SERPINI1: variants seen among roughly 807,000 people sequenced by gnomAD.
SERPINI1 encodes the protein neuroserpin.
A neutral mutation model predicts 41.1 loss-of-function variants in SERPINI1; 19 were observed. The observed-to-expected ratio is 0.46, with a 90% CI of 0.32 to 0.68. SERPINI1 has a LOEUF of 0.68. Ranked by LOEUF, SERPINI1 falls within the 30% of genes least tolerant of loss-of-function variation. The pLI is 0.03. For synonymous variants in SERPINI1, 138 were observed against 156.6 expected (o/e 0.88, Z 0.89); for missense variants, 460 against 479.2 (o/e 0.96, Z 0.37).
chr3:167,784,232 C>T (rs769854815), intron 1 of SERPINI1, among the ~76,000 whole-genome samples: 7 of 152,108 alleles, frequency 4.6e-5, no homozygotes, highest in Non-Finnish European at 1.0e-4. Flanking sequence ...TTCTGCTATC[C>T]ATGTGCATGT....
chr3:167,803,493 C>T (rs189967592), intron 5 of SERPINI1, among the ~76,000 whole-genome samples: 7 of 152,274 alleles, frequency 4.6e-5, no homozygotes, highest in Admixed American at 4.6e-4. Context: ...CTCCTCGTTG[C>T]ATGCCTCCTG....
rs182406204 is a variant in SERPINI1, at chr3:167,812,340, T to C, written c.979+4999T>C. On this transcript the variant is annotated intron_variant, in intron 6 of 8. Coordinates refer to ENST00000446050, the MANE Select transcript of SERPINI1 (RefSeq NM_001122752.2). ...CCAGGCTTCACTCTGGTTGATTCCA[T>C]ATACACAACTCCTGCCCAGCCAAAC... Among the ~76,000 whole-genome samples the C allele has an allele frequency of 2.4e-3, 360 of 152,332 alleles. 1 individual carries two copies. Among genetic ancestry groups the C allele is most frequent in the Admixed American group, 3.5e-3 (54 of 15,302 alleles).
chr3:167,741,482 G>T (rs1439938069), intron 1 of SERPINI1, among the ~76,000 whole-genome samples: 1 of 152,102 alleles, frequency 6.6e-6, no homozygotes, highest in Non-Finnish European at 1.5e-5. Context: ...ACCCACATTG[G>T]ATTGCTTCTG....
At chr3:167,784,628 G>T (rs1244046274) in intron 1 of SERPINI1, among the ~76,000 whole-genome samples, 1 of 152,194 alleles carries the variant, frequency 6.6e-6, no homozygotes, top group African/African-American at 2.4e-5. Context: ...AGGGTGGCAG[G>T]ATGGAGAGAG....
chr3:167,782,790 C>T (rs1231142082), intron 1 of SERPINI1, among the ~76,000 whole-genome samples: 1 of 152,216 alleles, frequency 6.6e-6, no homozygotes, highest in Middle Eastern at 3.4e-3. Context: ...TAGAACAGAA[C>T]CTTGAGAAGT....
chr3:167,818,656 T>C (rs1437082814), intron 6 of SERPINI1, among the ~76,000 whole-genome samples: 1 of 152,218 alleles, frequency 6.6e-6, no homozygotes, highest in Non-Finnish European at 1.5e-5. Context: ...CTTTGTTTTC[T>C]TTCTCTTTCT....
rs1319322745 is a variant in SERPINI1, at chr3:167,794,816, C to T, written c.873C>T (p.Tyr291=). ...NSVKKQKVEV[Y]LPRFTVEQEI... ...TGAAGAAGCAAAAAGTAGAAGTATA[C>T]CTGCCCAGGTATGAGGTTCCTGTGT... Residue 291 remains tyrosine, a synonymous_variant, in exon 5 of 9, where the codon TAC becomes TAT. Transcript: ENST00000446050. 3 of 1,612,608 alleles carry T rather than the reference C, an allele frequency of 1.9e-6. No homozygotes were observed. The East Asian group carries it at 6.7e-5, about 36-fold the overall frequency.
intron 2 of SERPINI1, 140 bp from the exon 3 acceptor site, chr3:167,790,232 A>G: frequency 1.5e-6 from 1 of 670,450 alleles, no homozygotes; most frequent in Admixed American, 2.3e-5. Flanking sequence ...GGACCATATC[A>G]ATGTGGGGGA....
chr3:167,761,662 G>T (rs1726386083), intron 1 of SERPINI1, among the ~76,000 whole-genome samples: 1 of 152,064 alleles, frequency 6.6e-6, no homozygotes, highest in African/African-American at 2.4e-5. Context: ...ATATTGCATT[G>T]ATTACATCTG....
intron 5 of SERPINI1, among the ~76,000 whole-genome samples, chr3:167,803,161 T>G (rs13094523): frequency 0.35 from 53,059 of 151,182 alleles, 10,632 homozygotes; most frequent in African/African-American, 0.55. Context: ...AGCATTGGGA[T>G]ATATACCTAA....
chr3:167,775,604 A>G (rs1001639289), intron 1 of SERPINI1, among the ~76,000 whole-genome samples: 7 of 152,172 alleles, frequency 4.6e-5, no homozygotes, highest in Non-Finnish European at 1.0e-4. Context: ...TTATTACACG[A>G]AAACATTTTA....
intron 1 of SERPINI1, among the ~76,000 whole-genome samples, chr3:167,758,756 A>G (rs775153200): frequency 7.9e-5 from 12 of 152,214 alleles, no homozygotes; most frequent in Non-Finnish European, 1.5e-4. Context: ...AGATTACTCA[A>G]TAACATTGTA....
chr3:167,809,849 C>A (rs1383888532), intron 6 of SERPINI1, among the ~76,000 whole-genome samples: 1 of 152,126 alleles, frequency 6.6e-6, no homozygotes, highest in Non-Finnish European at 1.5e-5. Flanking sequence ...TATTTGCCCC[C>A]TTAAACATAA....
intron 1 of SERPINI1, among the ~76,000 whole-genome samples, chr3:167,786,319 A>C (rs1287836327): frequency 6.6e-6 from 1 of 151,952 alleles, no homozygotes; most frequent in African/African-American, 2.4e-5. Context: ...TCTGGCCAAC[A>C]TGGTGAAACC....
At chr3:167,737,455 T>C (rs1041857341) in intron 1 of SERPINI1, among the ~76,000 whole-genome samples, 4 of 152,128 alleles carry the variant, frequency 2.6e-5, no homozygotes, top group African/African-American at 9.7e-5. Flanking sequence ...ATAGCTGATA[T>C]GGCCCTGTGA....
At chr3:167,802,828 G>A (rs1347928454) in intron 5 of SERPINI1, among the ~76,000 whole-genome samples, 6 of 150,788 alleles carry the variant, frequency 4.0e-5, no homozygotes, top group Admixed American at 6.6e-5. Context: ...ACATGCACAC[G>A]TATGTTTATT....
At chr3:167,812,214 A>G (rs1711913845) in intron 6 of SERPINI1, among the ~76,000 whole-genome samples, 1 of 152,192 alleles carries the variant, frequency 6.6e-6, no homozygotes, top group Admixed American at 6.5e-5. Context: ...CACTGCCAAG[A>G]TTAATCGCCT....
At chr3:167,752,760 A>G (rs1340226304) in intron 1 of SERPINI1, among the ~76,000 whole-genome samples, 1 of 151,850 alleles carries the variant, frequency 6.6e-6, no homozygotes, top group African/African-American at 2.4e-5. Context: ...TCCTTTGTTC[A>G]TTGTATTATT....
intron 5 of SERPINI1, among the ~76,000 whole-genome samples, chr3:167,797,307 C>G (rs1489821357): frequency 6.6e-6 from 1 of 152,154 alleles, no homozygotes; most frequent in African/African-American, 2.4e-5. Flanking sequence ...TCTGTTCACT[C>G]TGATGATAGT....
Sources: allele counts gnomAD v4.1 joint callset (sites outside exome capture counted in the v4.1 genomes callset), GRCh38; gene constraint gnomAD v4.1.1; transcripts MANE v1.5; gene names NCBI Gene and HGNC (gene_info 2026-07-23, HGNC 2026-07-21).